The following NRCAM variants were observed in gnomAD, a reference collection of about 807,000 sequenced individuals.
NRCAM encodes NgCAM-related cell adhesion molecule.
Under a neutral mutation model 156.5 loss-of-function variants are expected in NRCAM, and 83 were observed. That is an observed-to-expected ratio of 0.53 (90% CI 0.44 to 0.64). The LOEUF is 0.64. NRCAM is among the 30% of genes least tolerant of loss of function. The pLI, the probability that NRCAM is intolerant of heterozygous loss-of-function variation, is 0.00. For missense variants in NRCAM, 1,417 were observed against 1,597.3 expected, an observed-to-expected ratio of 0.89 and a Z score of 1.92; for synonymous variants, 538 against 563.9, an observed-to-expected ratio of 0.95 and a Z score of 0.65.
chr7:108,188,931 T>G, intron 20 of NRCAM, among the ~76,000 whole-genome samples: 1 of 150,874 alleles, frequency 6.6e-6, no homozygotes, highest in African/African-American at 2.4e-5. Flanking sequence ...CTGAAGGTAA[T>G]AATGTATTTC....
At chr7:108,388,286 G>C (rs2099747886) in intron 2 of NRCAM, among the ~76,000 whole-genome samples, 1 of 152,124 alleles carries the variant, frequency 6.6e-6, no homozygotes, top group Non-Finnish European at 1.5e-5. Flanking sequence ...TTGTGGTTTT[G>C]ATTTGCATTT....
intron 3 of NRCAM, among the ~76,000 whole-genome samples, chr7:108,310,035 T>C (rs1371408084): frequency 6.6e-6 from 1 of 152,200 alleles, no homozygotes. Context: ...AAGATGTACA[T>C]ATAACTTTAA....
chr7:108,207,420 G>T, intron 13 of NRCAM, 108 bp downstream of exon 13: 1 of 1,100,020 alleles, frequency 9.1e-7, no homozygotes, highest in Non-Finnish European at 1.3e-6. Context: ...ACATACATGT[G>T]GCTTCCTTCC....
At chr7:108,241,892 A>G (rs917412927) in intron 3 of NRCAM, among the ~76,000 whole-genome samples, 7 of 152,148 alleles carry the variant, frequency 4.6e-5, no homozygotes, top group Non-Finnish European at 1.0e-4. Flanking sequence ...GGAAAATGAA[A>G]TAATCCTAAT....
intron 3 of NRCAM, among the ~76,000 whole-genome samples, chr7:108,295,996 G>A (rs1360304641): frequency 6.6e-6 from 1 of 152,210 alleles, no homozygotes; most frequent in Admixed American, 6.5e-5. Flanking sequence ...CTGAAGGAGT[G>A]CACTTGAGCT....
At chr7:108,219,013 A>G (rs1195662799) in intron 11 of NRCAM, among the ~76,000 whole-genome samples, 2 of 152,334 alleles carry the variant, frequency 1.3e-5, no homozygotes, top group South Asian at 4.1e-4. Flanking sequence ...TCATCAAGAA[A>G]TGAAAAGGGA....
At chr7:108,265,278 T>A (rs1279260580) in intron 3 of NRCAM, among the ~76,000 whole-genome samples, 1 of 152,208 alleles carries the variant, frequency 6.6e-6, no homozygotes. Flanking sequence ...TACAGGCTAA[T>A]GGAATATCCT....
intron 1 of NRCAM, among the ~76,000 whole-genome samples, chr7:108,450,737 G>C (rs1849345621): frequency 6.6e-6 from 1 of 152,100 alleles, no homozygotes; most frequent in Non-Finnish European, 1.5e-5. Context: ...CATCAATGCT[G>C]GCTTATCCTG....
intron 8 of NRCAM, among the ~76,000 whole-genome samples, chr7:108,230,727 T>C (rs1268066463): frequency 6.6e-6 from 1 of 150,704 alleles, no homozygotes; most frequent in Non-Finnish European, 1.5e-5. Context: ...AAACTCTGCT[T>C]TTTTTTTTTC....
intron 2 of NRCAM, among the ~76,000 whole-genome samples, chr7:108,365,149 A>AT (rs955895869): frequency 2.1e-4 from 32 of 151,940 alleles, no homozygotes; most frequent in Middle Eastern, 3.4e-3. Flanking sequence ...ACATATATAT[A>AT]TTTTTAGCAT....
At chr7:108,450,410 T>A (rs1453530155) in intron 1 of NRCAM, among the ~76,000 whole-genome samples, 1 of 152,174 alleles carries the variant, frequency 6.6e-6, no homozygotes, top group Non-Finnish European at 1.5e-5. Flanking sequence ...TTTTATTAGC[T>A]CAGCTAAGCA....
At chr7:108,229,083 G>A (rs372974412) in intron 8 of NRCAM, among the ~76,000 whole-genome samples, 22 of 152,228 alleles carry the variant, frequency 1.4e-4, no homozygotes, top group South Asian at 1.0e-3. Context: ...AAAATAGAAC[G>A]TATTTCCTAC....
At chr7:108,412,997 C>T (rs1412293660) in intron 1 of NRCAM, among the ~76,000 whole-genome samples, 6 of 152,198 alleles carry the variant, frequency 3.9e-5, no homozygotes, top group Middle Eastern at 3.2e-3. Flanking sequence ...AATAGTGCTG[C>T]TATGAACACA....
At chr7:108,233,854 T>C (rs780499485) in intron 6 of NRCAM, among the ~76,000 whole-genome samples, 10 of 152,204 alleles carry the variant, frequency 6.6e-5, no homozygotes, top group Non-Finnish European at 1.2e-4. Context: ...ACTGGACATG[T>C]TACAGATCAT....
intron 17 of NRCAM, among the ~76,000 whole-genome samples, chr7:108,193,452 C>T (rs1293515006): frequency 1.3e-5 from 2 of 152,238 alleles, no homozygotes; most frequent in African/African-American, 4.8e-5. Context: ...ACTACTATGT[C>T]AAATTGAGGG....
At chr7:108,187,481 GT>G (rs758424364) in intron 20 of NRCAM, among the ~76,000 whole-genome samples, 2 of 152,168 alleles carry the variant, frequency 1.3e-5, no homozygotes, top group Admixed American at 6.5e-5. Context: ...ACATTCAAAT[GT>G]TCTTTTAGTG....
chr7:108,419,744 T>C (rs1353077026), intron 1 of NRCAM, among the ~76,000 whole-genome samples: 1 of 152,210 alleles, frequency 6.6e-6, no homozygotes, highest in Non-Finnish European at 1.5e-5. Context: ...AAACTAGAGA[T>C]ATAGTTTAAA....
rs549742001 is a variant in NRCAM at position 108,324,480 on chromosome 7, A to G, written c.-173-11749T>C. On this transcript the variant is annotated intron_variant, in intron 2 of 32. Coordinates refer to ENST00000379028, the MANE Select transcript of NRCAM (RefSeq NM_001037132.4). ...GTTTAAAAGGGTTCAAACAGGCCAA[A>G]TTTGGGTGTAGTCAAATCAGCAAGT... is the stretch of plus-strand genomic sequence containing the variant. Among the ~76,000 whole-genome samples, 11 of 152,252 alleles carry G rather than the reference A, an allele frequency of 7.2e-5. No individual in the cohort carries two copies. In the South Asian group the frequency reaches 2.3e-3, roughly 32 times the overall value.
At chr7:108,195,183 T>C (rs1255779291) in intron 15 of NRCAM, among the ~76,000 whole-genome samples, 1 of 152,180 alleles carries the variant, frequency 6.6e-6, no homozygotes, top group East Asian at 1.9e-4. Context: ...CATTGTGAAA[T>C]ACAGCAGCCT....
Sources: allele counts gnomAD v4.1 joint callset (sites outside exome capture counted in the v4.1 genomes callset), GRCh38; gene constraint gnomAD v4.1.1; transcripts MANE v1.5; gene names NCBI Gene and HGNC (gene_info 2026-07-23, HGNC 2026-07-21).